SLC12A7: variants seen among roughly 807,000 people sequenced by gnomAD.
The protein encoded by SLC12A7 is solute carrier family 12 member 7.
Under a neutral mutation model 120.6 loss-of-function variants are expected in SLC12A7, and 100 were observed. That is an observed-to-expected ratio of 0.83 (90% CI 0.71 to 0.98). The LOEUF (loss-of-function observed/expected upper bound fraction) is 0.98. Ranked by LOEUF, SLC12A7 falls within the 50% of genes least tolerant of loss-of-function variation. The pLI, the probability that SLC12A7 is intolerant of heterozygous loss-of-function variation, is 0.00. For synonymous variants in SLC12A7, 760 were observed against 678.0 expected (o/e 1.12, Z -1.88); for missense variants, 1,373 against 1,548.1 (o/e 0.89, Z 1.90).
intron 6 of SLC12A7, 68 bp downstream of exon 6, chr5:1,086,835 C>A (rs1739908859): frequency 6.3e-7 from 1 of 1,577,430 alleles, no homozygotes; most frequent in East Asian, 2.2e-5. Context: ...CAGAGTGGGT[C>A]AGGCAGGGCC....
chr5:1,088,911 T>A, intron 4 of SLC12A7, 71 bp downstream of exon 4: 1 of 1,582,928 alleles, frequency 6.3e-7, no homozygotes, highest in Non-Finnish European at 8.6e-7. Flanking sequence ...GGAGACGGCA[T>A]CTGGGGAGAG....
intron 1 of SLC12A7, among the ~76,000 whole-genome samples, chr5:1,102,839 G>A (rs1742147523): frequency 6.6e-6 from 1 of 152,172 alleles, no homozygotes; most frequent in Non-Finnish European, 1.5e-5. Flanking sequence ...CGTGGCCTCT[G>A]GGGACAGCCC....
intron 17 of SLC12A7, among the ~76,000 whole-genome samples, chr5:1,069,422 C>T (rs1312430588): frequency 6.6e-6 from 1 of 152,206 alleles, no homozygotes; most frequent in Non-Finnish European, 1.5e-5. Context: ...GGGGCGGCTG[C>T]AGATGCCTGG....
rs757792032 is a variant in SLC12A7 at position 1,089,123 on chromosome 5, C to G, written c.348G>C (p.Pro116=). The change falls in exon 4 of 24, where the codon CCG becomes CCC. Residue 116 remains proline, a synonymous_variant. Transcript: ENST00000264930. The stretch of plus-strand genomic sequence containing the variant: ...AGACGCCGATGAAGGTGCCCATGCG[C>G]GGAGCCTGCGACAGAGCATAGCGTG... ...EESRRREAKA[P]RMGTFIGVYL... 1.9e-5 allele frequency: 30 copies of G among 1,612,398 alleles called. No individual in the cohort carries two copies. The highest frequency in any genetic ancestry group is 2.5e-5 in the Non-Finnish European group (29 of 1,179,938).
chr5:1,081,842 G>A, intron 8 of SLC12A7, 98 bp from the exon 9 acceptor site: 1 of 1,414,056 alleles, frequency 7.1e-7, no homozygotes, highest in Non-Finnish European at 9.7e-7. Flanking sequence ...CTGGTGGCCG[G>A]AGGGGAAGGG....
chr5:1,054,409 G>A (rs1422651133), intron 22 of SLC12A7, among the ~76,000 whole-genome samples: 1 of 152,224 alleles, frequency 6.6e-6, no homozygotes, highest in Non-Finnish European at 1.5e-5. Flanking sequence ...GCCCTTGCGG[G>A]ACAGAGCTTA....
At chr5:1,136,385 C>T in the SLC12A7 span, among the ~76,000 whole-genome samples, 1 of 123,042 alleles carries the variant, frequency 8.1e-6, no homozygotes, top group African/African-American at 3.7e-5. Context: ...CACGCAGACA[C>T]ACGTGTGCTC....
In SLC12A7 at chr5:1,088,348, C is replaced by T. The variant is rs774694828; in HGVS notation, c.502G>A (p.Ala168Thr). ...AMCCTCTMLT[A>T]ISMSAIATNG... ...GTAGCGATCGCACTCATGGAAATGG[C>T]GGTCAGCATTGTCTGCAAAAAGACA... Residue 168 changes from alanine (A) to threonine (T), a missense_variant, in exon 5 of 24, where the codon GCC becomes ACC. Coordinates refer to ENST00000264930, the MANE Select transcript of SLC12A7 (RefSeq NM_006598.3). 6.3e-6 allele frequency: 10 copies of T among 1,584,868 alleles called. No homozygotes were observed. The highest frequency in any genetic ancestry group is 4.0e-5 in the African/African-American group (3 of 74,700).
chr5:1,079,403 A>G lies in SLC12A7; in HGVS notation c.1391T>C (p.Phe464Ser), dbSNP rs1302809012. 1.9e-6 allele frequency: 3 copies of G among 1,612,104 alleles called. No homozygotes were observed. The highest frequency in any genetic ancestry group is 2.5e-6 in the Non-Finnish European group (3 of 1,179,294). Reference sequence around the variant, plus strand: ...CTGCACCCCTCCAAGGATACAGATGAAAGACGTCGTCACTATGGCCAGGAT... The same window carrying G: ...CTGCACCCCTCCAAGGATACAGATGGAAGACGTCGTCACTATGGCCAGGAT... ...GTILAIVTTS[F>S]IYLSCIVLFG... Residue 464 changes from phenylalanine to serine, a missense_variant, in exon 10 of 24, where the codon TTC becomes TCC. Phe to Ser is a radical substitution (Grantham distance 155). Coordinates refer to ENST00000264930, the MANE Select transcript of SLC12A7 (RefSeq NM_006598.3).
At chr5:1,087,163 A>T in intron 5 of SLC12A7, 130 bp from the exon 6 acceptor site, 1 of 1,242,062 alleles carries the variant, frequency 8.1e-7, no homozygotes, top group East Asian at 2.6e-5. Flanking sequence ...ACCCTCGTCC[A>T]CCCGCAAAGC....
chr5:1,076,622 C>T (rs970396402), intron 13 of SLC12A7, 72 bp downstream of exon 13: 67 of 1,119,610 alleles, frequency 6.0e-5, no homozygotes, highest in Non-Finnish European at 8.5e-5. Flanking sequence ...CTGAGCAGGA[C>T]CTCCCATCCA....
At chr5:1,130,478 C>G in the SLC12A7 span, among the ~76,000 whole-genome samples, 1 of 120,334 alleles carries the variant, frequency 8.3e-6, no homozygotes, top group Non-Finnish European at 1.9e-5. Context: ...GAGAGGCCAC[C>G]TGGGGCCTCC....
the SLC12A7 span, among the ~76,000 whole-genome samples, chr5:1,140,581 A>C: frequency 2.0e-5 from 3 of 152,226 alleles, no homozygotes; most frequent in Non-Finnish European, 4.4e-5. Context: ...GATGGGGTTC[A>C]GGACGGTGCC....
At chr5:1,053,645 C>G (rs1438382448) in intron 22 of SLC12A7, among the ~76,000 whole-genome samples, 163 bp from the exon 23 acceptor site, 6 of 152,216 alleles carry the variant, frequency 3.9e-5, no homozygotes, top group Admixed American at 2.6e-4. Flanking sequence ...GAAGTGGCGG[C>G]TCCGAGCGAA....
At position 1,093,502 on chromosome 5, in the gene SLC12A7, G is replaced by GACTGGGCGGGGACTGGGCGGGC. The variant is rs769169214; in HGVS notation, c.342+30_342+31insGCCCGCCCAGTCCCCGCCCAGT. ...ACCCTGCCGGGACACACGGGGCGGG[G>GACTGGGCGGGGACTGGGCGGGC]ACTGGGCGGGCACGGGCAGGGTGGC... On this transcript the variant is annotated intron_variant, in intron 3 of 23. Transcript: ENST00000264930. 4.3e-5 allele frequency: 66 copies of GACTGGGCGGGGACTGGGCGGGC among 1,550,132 alleles called. No homozygotes were observed. In the African/African-American group the frequency reaches 8.2e-4, roughly 19 times the overall value.
chr5:1,074,385 A>C (rs1457259894), intron 16 of SLC12A7, among the ~76,000 whole-genome samples, 182 bp downstream of exon 16: 2 of 152,096 alleles, frequency 1.3e-5, no homozygotes, highest in African/African-American at 2.4e-5. Context: ...ACCCTGCAGC[A>C]GGGACACCCC....
chr5:1,114,547 G>T (rs368645811), upstream of SLC12A7, among the ~76,000 whole-genome samples: 3 of 152,126 alleles, frequency 2.0e-5, no homozygotes, highest in Non-Finnish European at 4.4e-5. Context: ...AATGTGCGTT[G>T]TGTGACTTTC....
At chr5:1,095,631 CGGA>C (rs1389893204) in intron 1 of SLC12A7, among the ~76,000 whole-genome samples, 1 of 152,174 alleles carries the variant, frequency 6.6e-6, no homozygotes, top group Non-Finnish European at 1.5e-5. Context: ...GCGAGGTGGC[CGGA>C]GGAGGGCAGG....
upstream of SLC12A7, among the ~76,000 whole-genome samples, chr5:1,114,837 C>T (rs1409686848): frequency 6.6e-6 from 1 of 152,124 alleles, no homozygotes; most frequent in African/African-American, 2.4e-5. Flanking sequence ...ATGTCTGAAT[C>T]GACAGATTCA....
Sources: gnomAD v4.1 joint callset for allele counts (sites outside exome capture counted in the v4.1 genomes callset) on GRCh38, gnomAD v4.1.1 for gene constraint, MANE v1.5 for transcripts, NCBI Gene and HGNC (gene_info 2026-07-23, HGNC 2026-07-21) for gene names.